SLC24A4: variants seen among roughly 807,000 people sequenced by gnomAD.
SLC24A4 encodes solute carrier family 24 member 4.
A neutral mutation model predicts 79.0 loss-of-function variants in SLC24A4; 53 were observed. The observed-to-expected ratio is 0.67, with a 90% CI of 0.54 to 0.84. SLC24A4 has a LOEUF of 0.84. Among genes scored for constraint, SLC24A4 ranks in the 40% least tolerant of loss-of-function variants. SLC24A4 has a pLI of 0.00. For synonymous variants in SLC24A4, 323 were observed against 323.8 expected (o/e 1.00, Z 0.03); for missense variants, 731 against 822.0 (o/e 0.89, Z 1.35).
chr14:92,492,944 T>C (rs372665376), intron 16 of SLC24A4: 7 of 442,456 alleles, frequency 1.6e-5, no homozygotes, highest in East Asian at 1.4e-4. Context: ...TTCCGTGCTT[T>C]AACCCTCTAC....
intron 2 of SLC24A4, among the ~76,000 whole-genome samples, chr14:92,329,842 A>T (rs1885365077): frequency 1.3e-5 from 2 of 152,204 alleles, no homozygotes; most frequent in African/African-American, 4.8e-5. Context: ...GACATATGTC[A>T]CTAACATTAC....
chr14:92,490,509 A>G lies in SLC24A4; in HGVS notation c.1538-1156A>G, dbSNP rs1057265602. Among the ~76,000 whole-genome samples the G allele has an allele frequency of 5.9e-5, 9 of 152,168 alleles. No homozygotes were observed. Among genetic ancestry groups the G allele is most frequent in the Non-Finnish European group, 2.9e-5 (2 of 68,022 alleles). ...CCTTCAGAAACTACCAGAGCATACA[A>G]TCCGATATCCTGTGATTCCCAGGCA... On this transcript the variant is annotated intron_variant, in intron 14 of 16. Coordinates refer to ENST00000532405, the MANE Select transcript of SLC24A4 (RefSeq NM_153646.4). The surrounding 1 kb of genome is among the most constrained non-coding windows in gnomAD (Gnocchi z 4.3).
At chr14:92,351,209 C>G (rs1413833076) in intron 2 of SLC24A4, among the ~76,000 whole-genome samples, 1 of 150,940 alleles carries the variant, frequency 6.6e-6, no homozygotes, top group Non-Finnish European at 1.5e-5. Flanking sequence ...ATCTCCCTCT[C>G]TCTCTCTTTC....
chr14:92,395,432 A>AACACACACACACACACACACACACACAC (rs60360408), intron 2 of SLC24A4, among the ~76,000 whole-genome samples: 1 of 144,816 alleles, frequency 6.9e-6, no homozygotes, highest in Non-Finnish European at 1.5e-5. Context: ...AACAAAACAA[A>AACACACACACACACACACACACACACAC]ACACACACAC....
At chr14:92,364,880 A>G (rs1426742519) in intron 2 of SLC24A4, among the ~76,000 whole-genome samples, 1 of 152,158 alleles carries the variant, frequency 6.6e-6, no homozygotes, top group East Asian at 1.9e-4. Context: ...TTGCTAAAGG[A>G]AGCTCGTCAC....
chr14:92,489,203 C>G (rs1025456369), intron 14 of SLC24A4, among the ~76,000 whole-genome samples: 2 of 151,852 alleles, frequency 1.3e-5, no homozygotes, highest in African/African-American at 4.8e-5. Context: ...TTTGGGAGGT[C>G]GAGGTGGGCG....
At chr14:92,402,578 C>G (rs549753369) in intron 2 of SLC24A4, among the ~76,000 whole-genome samples, 1 of 152,204 alleles carries the variant, frequency 6.6e-6, no homozygotes, top group Non-Finnish European at 1.5e-5. Context: ...AAGACATACC[C>G]AAGACTGGGC....
intron 13 of SLC24A4, among the ~76,000 whole-genome samples, chr14:92,485,843 C>T (rs1050534241): frequency 6.6e-6 from 1 of 152,192 alleles, no homozygotes; most frequent in Non-Finnish European, 1.5e-5. Flanking sequence ...ATAAACCCCA[C>T]CCTTGTTTCT....
rs1566775086 is a variant in SLC24A4 at position 92,448,519 on chromosome 14, A to ATGGGT, written c.738-555_738-554insTGGGT. Among the ~76,000 whole-genome samples, 6 of 152,352 alleles carry ATGGGT rather than the reference A, an allele frequency of 3.9e-5. No homozygotes were observed. The East Asian group carries it at 7.7e-4, about 20-fold the overall frequency. ...ATAAAACATTTATAATGTTTTATAA[A>ATGGGT]GATGGGTGATAAACTATCAGACTGC... On this transcript the variant is annotated intron_variant, in intron 9 of 16. Transcript: ENST00000532405.
At chr14:92,485,021 A>G (rs914206131) in intron 13 of SLC24A4, 3 of 480,312 alleles carry the variant, frequency 6.2e-6, no homozygotes, top group Non-Finnish European at 8.1e-6. Context: ...AGTTTGCAGC[A>G]TGGTTGGTTG....
At chr14:92,356,679 A>T (rs568481590) in intron 2 of SLC24A4, among the ~76,000 whole-genome samples, 1 of 152,334 alleles carries the variant, frequency 6.6e-6, no homozygotes, top group Admixed American at 6.5e-5. Context: ...CGTGCTCGAT[A>T]CATTGGCATG....
intron 2 of SLC24A4, among the ~76,000 whole-genome samples, chr14:92,385,912 G>A (rs1217711280): frequency 6.6e-6 from 1 of 152,182 alleles, no homozygotes; most frequent in Non-Finnish European, 1.5e-5. Context: ...GTGAGTGGGC[G>A]GCACCATGTC....
rs754853908 is a variant in SLC24A4, at chr14:92,323,760, C to T, written c.-71C>T. 174 of 1,493,426 alleles carry T rather than the reference C, an allele frequency of 1.2e-4. No individual in the cohort carries two copies. The highest frequency in any genetic ancestry group is 1.4e-4 in the Non-Finnish European group (161 of 1,124,172). The allele number at this position is 1,493,426 out of a possible 1,614,324, so 92.5% of individuals were successfully genotyped here. On this transcript the variant is annotated 5_prime_UTR_variant, in exon 1 of 17. Transcript: ENST00000532405. The surrounding 1 kb of genome is among the most constrained non-coding windows in gnomAD (Gnocchi z 4.9). ...CGCCTGCTCCAGCCCCAGCGCCGCT[C>T]GGCCACTGATTGCACTCTGGCCGCT... is the stretch of plus-strand genomic sequence containing the variant.
At chr14:92,478,771 A>C (rs967722851) in intron 12 of SLC24A4, among the ~76,000 whole-genome samples, 12 of 152,066 alleles carry the variant, frequency 7.9e-5, no homozygotes, top group Admixed American at 3.9e-4. Flanking sequence ...GATTGCATTG[A>C]ATGTATACGT....
At chr14:92,475,547 T>A (rs1894714992) in intron 12 of SLC24A4, among the ~76,000 whole-genome samples, 1 of 152,146 alleles carries the variant, frequency 6.6e-6, no homozygotes, top group African/African-American at 2.4e-5. Context: ...GAGATCACCA[T>A]GGGCTGGCGG....
intron 2 of SLC24A4, among the ~76,000 whole-genome samples, chr14:92,339,413 C>T (rs1426233563): frequency 6.6e-6 from 1 of 152,230 alleles, no homozygotes; most frequent in African/African-American, 2.4e-5. Flanking sequence ...TTGCACACAT[C>T]ACTTCCTTGA....
rs778381094 is a variant in SLC24A4, at chr14:92,493,565, C to T, written c.1806C>T (p.Ser602=). ...TCTACGCCATCTTCTTGTGCTTCTC[C>T]ATAATGATAGAGTTTAACGTCTTTA... The part of the protein sequence containing the change: ...LVLYAIFLCF[S]IMIEFNVFTF... Residue 602 remains serine, a synonymous_variant, in exon 17 of 17, where the codon TCC becomes TCT. Coordinates refer to ENST00000532405, the MANE Select transcript of SLC24A4 (RefSeq NM_153646.4). 6.2e-7 allele frequency: 1 copy of T among 1,614,214 alleles called. No homozygotes were observed. The highest frequency in any genetic ancestry group is 2.2e-5 in the East Asian group (1 of 44,882).
chr14:92,475,264 T>A (rs1303177197), intron 12 of SLC24A4, among the ~76,000 whole-genome samples: 1 of 152,184 alleles, frequency 6.6e-6, no homozygotes, highest in Non-Finnish European at 1.5e-5. Flanking sequence ...CTTTGGGCAC[T>A]GCGCTTCAAA....
At chr14:92,480,985 T>TA (rs1895036799) in intron 12 of SLC24A4, among the ~76,000 whole-genome samples, 1 of 152,232 alleles carries the variant, frequency 6.6e-6, no homozygotes, top group South Asian at 2.1e-4. Flanking sequence ...AGAGGTCAGC[T>TA]AATGATTAGA....
Sources: allele counts gnomAD v4.1 joint callset (sites outside exome capture counted in the v4.1 genomes callset), GRCh38; gene constraint gnomAD v4.1.1; non-coding constraint Gnocchi (gnomAD v3.1); transcripts MANE v1.5; gene names NCBI Gene and HGNC (gene_info 2026-07-23, HGNC 2026-07-21).